CD2AP: variants seen among roughly 807,000 people sequenced by gnomAD.
The protein encoded by CD2AP is CD2 associated protein.
A neutral mutation model predicts 85.1 loss-of-function variants in CD2AP; 46 were observed. The ratio of observed to expected loss-of-function variants is 0.54; its 90% CI spans 0.43 to 0.69. The LOEUF is 0.69. Ranked by LOEUF, CD2AP falls within the 30% of genes least tolerant of loss-of-function variation. CD2AP has a pLI of 0.00. For synonymous variants in CD2AP, 255 were observed against 252.9 expected (o/e 1.01, Z -0.08); for missense variants, 769 against 729.5 (o/e 1.05, Z -0.62).
At chr6:47,544,515 A>G (rs1425027201) in intron 3 of CD2AP, 91 bp from the exon 4 acceptor site, 21 of 831,762 alleles carry the variant, frequency 2.5e-5, no homozygotes, top group Admixed American at 5.6e-5. Context: ...ATTTATTTAT[A>G]TAAGTCCTGT....
intron 2 of CD2AP, among the ~76,000 whole-genome samples, chr6:47,532,384 C>T (rs1405017041): frequency 3.0e-4 from 1 of 3,368 alleles, no homozygotes; most frequent in Non-Finnish European, 3.5e-3. Flanking sequence ...TATACACACA[C>T]ACACACACAC....
chr6:47,527,622 G>A (rs1488991271), intron 2 of CD2AP, among the ~76,000 whole-genome samples: 12 of 152,168 alleles, frequency 7.9e-5, no homozygotes. Flanking sequence ...CTGCCCAGTA[G>A]AAGAAAAAGA....
intron 4 of CD2AP, among the ~76,000 whole-genome samples, chr6:47,548,128 A>G (rs1485255209): frequency 1.3e-5 from 2 of 152,088 alleles, no homozygotes; most frequent in Non-Finnish European, 2.9e-5. Context: ...AGACCATTTA[A>G]GGGCACCTCA....
At position 47,577,084 on chromosome 6, in the gene CD2AP, TA is replaced by T; in HGVS notation, c.886del (p.Ile296SerfsTer3). 6.6e-7 allele frequency: 1 copy of T among 1,504,932 alleles called. No individual in the cohort carries two copies. Among genetic ancestry groups the T allele is most frequent in the Non-Finnish European group, 9.3e-7 (1 of 1,081,004 alleles). 93.2% of individuals were successfully genotyped at this position (1,504,932 alleles called of 1,614,324 possible). A position where few individuals can be genotyped will look rare whatever the true frequency, so the allele number is the denominator to read the frequency against. On this transcript the variant is annotated frameshift_variant, in exon 8 of 18. Coordinates refer to ENST00000359314, the MANE Select transcript of CD2AP (RefSeq NM_012120.3). LOFTEE classifies it high-confidence loss of function. ...EDELTFKEGE[I>X]IHLISKETGE... ...GAACTTACTTTTAAAGAGGGGGAGATAATCCATTTGATAAGTAAGGTAAGGT... is the reference window on the plus strand; with the variant it reads ...GAACTTACTTTTAAAGAGGGGGAGATATCCATTTGATAAGTAAGGTAAGGT...
intron 1 of CD2AP, among the ~76,000 whole-genome samples, chr6:47,486,872 A>G (rs1765577785): frequency 6.6e-6 from 1 of 152,218 alleles, no homozygotes; most frequent in African/African-American, 2.4e-5. Flanking sequence ...TGTAAAATTG[A>G]GACTACATAG....
intron 2 of CD2AP, among the ~76,000 whole-genome samples, chr6:47,529,294 A>G (rs1335465098): frequency 6.7e-6 from 1 of 150,104 alleles, no homozygotes; most frequent in Non-Finnish European, 1.5e-5. Flanking sequence ...TTGATGAAAA[A>G]AAATTGGTTC....
chr6:47,478,584 C>T (rs1004618209), intron 1 of CD2AP, among the ~76,000 whole-genome samples: 2 of 152,218 alleles, frequency 1.3e-5, no homozygotes, highest in Non-Finnish European at 1.5e-5. Flanking sequence ...TCCTTCCCTT[C>T]CTCATCCCCT....
chr6:47,550,859 G>C (rs1409742931), intron 4 of CD2AP, among the ~76,000 whole-genome samples: 3 of 152,182 alleles, frequency 2.0e-5, no homozygotes, highest in Admixed American at 6.5e-5. Context: ...GCCATAAAAA[G>C]GAATGATTTC....
At chr6:47,517,917 C>A (rs1050378300) in intron 2 of CD2AP, among the ~76,000 whole-genome samples, 1 of 151,954 alleles carries the variant, frequency 6.6e-6, no homozygotes, top group African/African-American at 2.4e-5. Flanking sequence ...TAGTAGACTT[C>A]GCTTACTAAA....
At chr6:47,532,005 G>A (rs570173564) in intron 2 of CD2AP, among the ~76,000 whole-genome samples, 23 of 151,974 alleles carry the variant, frequency 1.5e-4, no homozygotes, top group East Asian at 5.8e-4. Context: ...CCCAGGAGGC[G>A]GAGGTTGCAG....
At chr6:47,490,053 G>A (rs2113965934) in intron 1 of CD2AP, among the ~76,000 whole-genome samples, 1 of 147,462 alleles carries the variant, frequency 6.8e-6, no homozygotes, top group African/African-American at 2.5e-5. Flanking sequence ...ATAGTTCACA[G>A]CAACCTTGAC....
chr6:47,488,482 A>G (rs1765623552), intron 1 of CD2AP, among the ~76,000 whole-genome samples: 1 of 152,146 alleles, frequency 6.6e-6, no homozygotes, highest in Admixed American at 6.5e-5. Context: ...AAGAAAGTAC[A>G]TTATTTCATA....
At chr6:47,479,373 C>T (rs985189429) in intron 1 of CD2AP, among the ~76,000 whole-genome samples, 87 of 152,168 alleles carry the variant, frequency 5.7e-4, no homozygotes, top group Non-Finnish European at 1.5e-4. Flanking sequence ...CCACACTTTG[C>T]TTTGTGGGGG....
chr6:47,576,369 C>A (rs1768312533), intron 6 of CD2AP, 155 bp from the exon 7 acceptor site: 1 of 640,468 alleles, frequency 1.6e-6, no homozygotes, highest in Non-Finnish European at 2.8e-6. Context: ...ACTTTGGAGA[C>A]CTTTACCTGT....
At chr6:47,606,687 G>A (rs951924485) in intron 14 of CD2AP, among the ~76,000 whole-genome samples, 1 of 151,564 alleles carries the variant, frequency 6.6e-6, no homozygotes, top group Admixed American at 6.6e-5. Flanking sequence ...ATTAACTTCA[G>A]CAGGTACATA....
intron 3 of CD2AP, among the ~76,000 whole-genome samples, chr6:47,534,861 C>A (rs1766984673): frequency 6.6e-6 from 1 of 150,760 alleles, no homozygotes; most frequent in Middle Eastern, 3.4e-3. Context: ...GTGGTGCAGT[C>A]ACAGCTCACT....
chr6:47,512,110 A>G (rs1766332617), intron 2 of CD2AP, among the ~76,000 whole-genome samples: 2 of 152,128 alleles, frequency 1.3e-5, no homozygotes, highest in African/African-American at 4.8e-5. Context: ...GTGAGCCGAG[A>G]TCGCGCCACT....
chr6:47,519,761 A>G lies in CD2AP; in HGVS notation c.166-13841A>G, dbSNP rs531593561. 1.7e-4 allele frequency among the ~76,000 whole-genome samples: 26 copies of G among 152,344 alleles called. 1 individual carries two copies. In the South Asian group the frequency reaches 5.4e-3, roughly 32 times the overall value. On this transcript the variant is annotated intron_variant, in intron 2 of 17. Coordinates refer to ENST00000359314, the MANE Select transcript of CD2AP (RefSeq NM_012120.3). ...ATCACCTAAATTATAAAATTAGTCA[A>G]CAAATTTTTTTGAATACCTATAATA... is the stretch of plus-strand genomic sequence containing the variant.
Position 47,556,939 on chromosome 6 carries a change from G to A in CD2AP, c.541+2173G>A, listed in dbSNP as rs546459989. ...TGGTTGAACTAATTTACACTCCCGTGAACAGTGTACAGGTGTTCCCATTTC... is the reference window on the plus strand; with the variant it reads ...TGGTTGAACTAATTTACACTCCCGTAAACAGTGTACAGGTGTTCCCATTTC... On this transcript the variant is annotated intron_variant, in intron 5 of 17. Coordinates refer to ENST00000359314, the MANE Select transcript of CD2AP (RefSeq NM_012120.3). 9.9e-4 allele frequency among the ~76,000 whole-genome samples: 151 copies of A among 152,206 alleles called. 1 individual carries two copies. Among genetic ancestry groups the A allele is most frequent in the Middle Eastern group, 3.4e-3 (1 of 294 alleles).
Sources: gnomAD v4.1 joint callset for allele counts (sites outside exome capture counted in the v4.1 genomes callset) on GRCh38, gnomAD v4.1.1 for gene constraint, MANE v1.5 for transcripts, NCBI Gene and HGNC (gene_info 2026-07-23, HGNC 2026-07-21) for gene names.